The following GTF2I variants were observed in gnomAD, a reference collection of about 807,000 sequenced individuals.
GTF2I encodes general transcription factor II-I.
GTF2I carries 12 observed loss-of-function variants against 67.6 expected under a neutral mutation model. The observed-to-expected ratio is 0.18, with a 90% confidence interval of 0.11 to 0.29. The LOEUF is 0.29. GTF2I is among the 10% of genes least tolerant of loss of function. The pLI is 1.00. For missense variants in GTF2I, 271 were observed against 580.1 expected, an observed-to-expected ratio of 0.47 and a Z score of 5.47; for synonymous variants, 149 against 197.0, an observed-to-expected ratio of 0.76 and a Z score of 2.04.
rs587634903 is a variant in GTF2I at position 74,658,176 on chromosome 7, G to C, written c.-6+108G>C. ...GCCCCGCCGGGGCCTGCAGGGACAG[G>C]GGCCTGGGAGCCGCGGCCCGCCGCG... On this transcript the variant is annotated intron_variant, in intron 1 of 34. Coordinates refer to ENST00000573035, the MANE Select transcript of GTF2I (RefSeq NM_032999.4). 8.6e-5 allele frequency: 13 copies of C among 151,074 alleles called. No individual in the cohort carries two copies. In the South Asian group the frequency reaches 2.1e-3, roughly 24 times the overall value. The allele number at this position is 151,074 out of a possible 1,614,324, so 9.4% of individuals were successfully genotyped here. A position where few individuals can be genotyped will look rare whatever the true frequency, so the allele number is the denominator to read the frequency against.
chr7:74,712,526 GTGTGTGTGTGTC>G (rs1167140274), intron 9 of GTF2I, among the ~76,000 whole-genome samples: 10 of 135,040 alleles, frequency 7.4e-5, no homozygotes, highest in African/African-American at 3.2e-4. Flanking sequence ...GTGTGTGTGT[GTGTGTGTGTGTC>G]ATGTCATATT....
intron 1 of GTF2I, chr7:74,687,645 A>G (rs1562950264): frequency 1.6e-6 from 1 of 631,092 alleles, no homozygotes; most frequent in African/African-American, 2.0e-5. Context: ...ACAGTCTTTA[A>G]TAATAGGGAA....
chr7:74,732,380 A>G (rs1232657054), intron 14 of GTF2I, 99 bp from the exon 15 acceptor site: 11 of 1,256,430 alleles, frequency 8.8e-6, no homozygotes, highest in Admixed American at 3.9e-5. Flanking sequence ...TCTCAAAAAA[A>G]TAAAAAAAAA....
chr7:74,700,069 T>A, intron 4 of GTF2I, 178 bp from the exon 5 acceptor site: 3 of 636,212 alleles, frequency 4.7e-6, no homozygotes, highest in African/African-American at 3.7e-5. Context: ...TTCGGATCAG[T>A]TTCAGGTTTA....
At chr7:74,666,811 CA>C (rs61609037) in intron 1 of GTF2I, among the ~76,000 whole-genome samples, 78,533 of 129,104 alleles carry the variant, frequency 0.61, 23,909 homozygotes, top group East Asian at 0.88. Context: ...ACTAAAAATA[CA>C]AAAAAAAAAA....
chr7:74,714,841 T>A lies in GTF2I; in HGVS notation c.764-16T>A. On this transcript the variant is annotated splice_polypyrimidine_tract_variant and intron_variant, in intron 9 of 34. Transcript: ENST00000573035. ...GGGGGGGATTACTTTTGAAGTATTA[T>A]CTTTGTATCCCAAAGCAGGCCCTTC... The A allele has an allele frequency of 6.3e-7, 1 of 1,583,518 alleles. No homozygotes were observed. Among genetic ancestry groups the A allele is most frequent in the Non-Finnish European group, 8.6e-7 (1 of 1,159,990 alleles).
chr7:74,659,470 A>T lies in GTF2I; in HGVS notation c.-6+1402A>T, dbSNP rs587648721. 4.0e-5 allele frequency among the ~76,000 whole-genome samples: 6 copies of T among 148,162 alleles called. No individual in the cohort carries two copies. In the East Asian group the frequency reaches 1.2e-3, roughly 30 times the overall value. ...ACTGGTGTGATCTCGGCTCACTGCA[A>T]CCTCTGCCTCCCGGGTTCAAGCCGT... is the stretch of plus-strand genomic sequence containing the variant. On this transcript the variant is annotated intron_variant, in intron 1 of 34. Transcript: ENST00000573035.
At chr7:74,691,176 C>A in intron 3 of GTF2I, 65 bp downstream of exon 3, 157 of 975,224 alleles carry the variant, frequency 1.6e-4, no homozygotes, top group Middle Eastern at 2.9e-4. Context: ...GTAGGTAAGA[C>A]AAGTTATATT....
intron 1 of GTF2I, among the ~76,000 whole-genome samples, chr7:74,660,439 G>A (rs1222168401): frequency 2.0e-5 from 3 of 152,010 alleles, no homozygotes; most frequent in Non-Finnish European, 4.4e-5. Context: ...TGATCCGCCT[G>A]CCTCGGTCTC....
intron 12 of GTF2I, chr7:74,727,655 A>G (rs1554405986): frequency 2.0e-5 from 3 of 152,136 alleles, no homozygotes; most frequent in African/African-American, 7.2e-5. Flanking sequence ...TTTAAATAAG[A>G]ATTTCTTAAA....
At chr7:74,747,085 GCA>G (rs1795465233) in intron 23 of GTF2I, among the ~76,000 whole-genome samples, 1 of 99,270 alleles carries the variant, frequency 1.0e-5, no homozygotes, top group South Asian at 5.7e-4. Flanking sequence ...TTAAAATACT[GCA>G]TACAATACTA....
chr7:74,709,025 C>T (rs1554402065), intron 8 of GTF2I, among the ~76,000 whole-genome samples: 2 of 152,148 alleles, frequency 1.3e-5, no homozygotes, highest in Non-Finnish European at 2.9e-5. Flanking sequence ...AAATGCAGTG[C>T]AAACCTATTT....
intron 1 of GTF2I, among the ~76,000 whole-genome samples, chr7:74,680,114 A>ATATATATATG (rs1339021361): frequency 8.2e-6 from 1 of 121,508 alleles, no homozygotes; most frequent in Non-Finnish European, 1.6e-5. Flanking sequence ...ATATATATAT[A>ATATATATATG]TATGTATGTA....
chr7:74,719,526 C>T (rs2131443977), intron 12 of GTF2I, among the ~76,000 whole-genome samples: 1 of 152,246 alleles, frequency 6.6e-6, no homozygotes, highest in Middle Eastern at 3.4e-3. Flanking sequence ...CTCAGCTGAG[C>T]CAGTTTATCC....
chr7:74,710,301 G>T (rs1292726497), intron 8 of GTF2I, among the ~76,000 whole-genome samples: 1 of 152,108 alleles, frequency 6.6e-6, no homozygotes, highest in Non-Finnish European at 1.5e-5. Context: ...TCTGAAATGT[G>T]TATGTGCACC....
intron 1 of GTF2I, among the ~76,000 whole-genome samples, chr7:74,678,151 C>T (rs1806072675): frequency 6.6e-6 from 1 of 151,534 alleles, no homozygotes; most frequent in Admixed American, 6.6e-5. Flanking sequence ...ACCTCCTGGG[C>T]TCAAGCCATC....
intron 9 of GTF2I, among the ~76,000 whole-genome samples, chr7:74,713,919 T>G (rs1791938042): frequency 6.6e-6 from 1 of 152,152 alleles, no homozygotes; most frequent in African/African-American, 2.4e-5. Flanking sequence ...AAATAGAAAC[T>G]ATTTCTTTAT....
chr7:74,658,323 C>A (rs1420744386), intron 1 of GTF2I, among the ~76,000 whole-genome samples: 1 of 148,862 alleles, frequency 6.7e-6, no homozygotes, highest in Non-Finnish European at 1.5e-5. Flanking sequence ...GGGGGTGGGG[C>A]GGCACGGACG....
rs1789362275 is a variant in GTF2I, at chr7:74,698,992, G to A, written c.270G>A (p.Met90Ile). 2.7e-6 allele frequency: 4 copies of A among 1,484,114 alleles called. No homozygotes were observed. Among genetic ancestry groups the A allele is most frequent in the African/African-American group, 2.8e-5 (2 of 70,860 alleles). The allele number at this position is 1,484,114 out of a possible 1,614,324, so 91.9% of individuals were successfully genotyped here. The change falls in exon 4 of 35, where the codon ATG (methionine) becomes ATA (isoleucine). Residue 90 changes from methionine to isoleucine, a missense_variant. Physicochemically the swap from Met to Ile is conservative, Grantham distance 10. Coordinates refer to ENST00000573035, the MANE Select transcript of GTF2I (RefSeq NM_032999.4). The stretch of plus-strand genomic sequence containing the variant: ...AAGAAGAAGAAAAAGCTGCAGAGAT[G>A]CATAAAATGAAATCTACAACCCAGG... ...CVEEEEKAAE[M>I]HKMKSTTQAN...
Sources: allele counts gnomAD v4.1 joint callset (sites outside exome capture counted in the v4.1 genomes callset), GRCh38; gene constraint gnomAD v4.1.1; transcripts MANE v1.5; gene names NCBI Gene and HGNC (gene_info 2026-07-23, HGNC 2026-07-21).